FYN: variants seen among roughly 807,000 people sequenced by gnomAD.
The protein encoded by FYN is FYN proto-oncogene, Src family tyrosine kinase.
Under a neutral mutation model 70.2 loss-of-function variants are expected in FYN, and 10 were observed. That is an observed-to-expected ratio of 0.14 (90% CI 0.09 to 0.24). FYN has a LOEUF of 0.24. Among genes scored for constraint, FYN ranks in the 10% least tolerant of loss-of-function variants. The pLI, the probability that FYN is intolerant of heterozygous loss-of-function variation, is 1.00. For synonymous variants in FYN, 236 were observed against 248.6 expected, an observed-to-expected ratio of 0.95 and a Z score of 0.48; for missense variants, 319 against 673.1, an observed-to-expected ratio of 0.47 and a Z score of 5.82.
chr6:111,810,252 T>C (rs1772281982), intron 2 of FYN, among the ~76,000 whole-genome samples: 3 of 152,186 alleles, frequency 2.0e-5, no homozygotes, highest in South Asian at 2.1e-4. Context: ...TCCTTGTCTG[T>C]TGGCATCAGG....
chr6:111,737,227 T>C (rs1801748074), intron 3 of FYN, among the ~76,000 whole-genome samples: 1 of 152,222 alleles, frequency 6.6e-6, no homozygotes, highest in African/African-American at 2.4e-5. Context: ...TGGACACAGC[T>C]GGCTGTTCTC....
At chr6:111,663,708 G>A (rs2128397928) in intron 13 of FYN, among the ~76,000 whole-genome samples, 1 of 152,330 alleles carries the variant, frequency 6.6e-6, no homozygotes, top group South Asian at 2.1e-4. Context: ...TGGTGAAGGA[G>A]TCAGGGTCCC....
chr6:111,669,378 T>C (rs1798157628), intron 13 of FYN, among the ~76,000 whole-genome samples: 1 of 130,594 alleles, frequency 7.7e-6, no homozygotes, highest in South Asian at 2.4e-4. Context: ...GAGGTTGCAG[T>C]GAACCGAGAT....
intron 2 of FYN, among the ~76,000 whole-genome samples, chr6:111,810,822 T>C (rs1175788388): frequency 6.6e-6 from 1 of 152,188 alleles, no homozygotes; most frequent in Admixed American, 6.5e-5. Flanking sequence ...ATTCTGTCCT[T>C]CTGAACTCTT....
At chr6:111,703,114 G>C (rs1387419262) in intron 7 of FYN, 80 bp from the exon 8 acceptor site, 149 of 1,348,624 alleles carry the variant, frequency 1.1e-4, no homozygotes, top group Non-Finnish European at 1.6e-5. Context: ...TCTTGACTCT[G>C]ATTAATAATT....
At chr6:111,872,932 G>A (rs1774330413) in intron 1 of FYN, 36 bp downstream of exon 1, 2 of 149,684 alleles carry the variant, frequency 1.3e-5, no homozygotes, top group South Asian at 4.2e-4. Context: ...CAGCATCCCC[G>A]AGGCCTCCCG....
intron 3 of FYN, among the ~76,000 whole-genome samples, 178 bp from the exon 4 acceptor site, chr6:111,720,240 C>T (rs1800867289): frequency 6.6e-6 from 1 of 152,108 alleles, no homozygotes; most frequent in Non-Finnish European, 1.5e-5. Context: ...TTCCTTGACC[C>T]CACAATCGCA....
At chr6:111,721,152 C>T (rs1431667033) in intron 3 of FYN, among the ~76,000 whole-genome samples, 5 of 152,204 alleles carry the variant, frequency 3.3e-5, no homozygotes, top group Non-Finnish European at 7.3e-5. Flanking sequence ...CTCTGCAAGG[C>T]GTTCTCCGAC....
rs1480050732 is a variant in FYN, at chr6:111,822,138, T to C, written c.-82+24451A>G. On this transcript the variant is annotated intron_variant, in intron 2 of 13. Coordinates refer to ENST00000354650, the MANE Select transcript of FYN (RefSeq NM_002037.5). Reference sequence around the variant, plus strand: ...AGCCATCCCATTACTGGGTATATACTCAAAGGATTATAAATCATGCTGCTA... The same window carrying C: ...AGCCATCCCATTACTGGGTATATACCCAAAGGATTATAAATCATGCTGCTA... Among the ~76,000 whole-genome samples the C allele has an allele frequency of 5.3e-5, 8 of 152,270 alleles. 1 individual carries two copies. Among genetic ancestry groups the C allele is most frequent in the Admixed American group, 1.3e-4 (2 of 15,300 alleles).
intron 3 of FYN, among the ~76,000 whole-genome samples, chr6:111,780,207 C>G (rs1204257073): frequency 6.6e-6 from 1 of 152,194 alleles, no homozygotes; most frequent in Non-Finnish European, 1.5e-5. Context: ...TCACACGGAT[C>G]TCTCTGCTTT....
At chr6:111,765,516 A>G (rs1400676509) in intron 3 of FYN, among the ~76,000 whole-genome samples, 1 of 152,208 alleles carries the variant, frequency 6.6e-6, no homozygotes, top group African/African-American at 2.4e-5. Flanking sequence ...ATGAGAAAAT[A>G]TGATTCTGTT....
At chr6:111,779,246 A>T (rs1771080020) in intron 3 of FYN, among the ~76,000 whole-genome samples, 1 of 150,254 alleles carries the variant, frequency 6.7e-6, no homozygotes, top group Non-Finnish European at 1.5e-5. Flanking sequence ...GACCTTAAAC[A>T]CTGGCCCATC....
At chr6:111,835,610 C>A (rs574882928) in intron 2 of FYN, among the ~76,000 whole-genome samples, 2 of 152,128 alleles carry the variant, frequency 1.3e-5, no homozygotes, top group African/African-American at 4.8e-5. Context: ...CTAAACTAAT[C>A]CCAGTTGGCT....
chr6:111,724,241 G>T (rs1328152837), intron 3 of FYN, among the ~76,000 whole-genome samples: 1 of 152,148 alleles, frequency 6.6e-6, no homozygotes, highest in African/African-American at 2.4e-5. Context: ...ATTATCAACA[G>T]ATCACAGCCC....
intron 3 of FYN, among the ~76,000 whole-genome samples, chr6:111,729,319 C>T (rs965799739): frequency 1.3e-5 from 2 of 151,870 alleles, no homozygotes; most frequent in African/African-American, 4.8e-5. Context: ...ACTAAAAATA[C>T]AAAAATTAGA....
chr6:111,826,529 T>TA (rs142474471), intron 2 of FYN, among the ~76,000 whole-genome samples: 3,199 of 152,240 alleles, frequency 0.021, 97 homozygotes, highest in African/African-American at 0.071. Context: ...TTTCGCTTCC[T>TA]AAAAAATCTC....
intron 3 of FYN, among the ~76,000 whole-genome samples, chr6:111,752,123 G>C (rs1042855731): frequency 6.6e-6 from 1 of 152,166 alleles, no homozygotes; most frequent in African/African-American, 2.4e-5. Context: ...ATGTGGAGTG[G>C]TGCTAGACAA....
chr6:111,786,658 T>C (rs1230593239), intron 2 of FYN, among the ~76,000 whole-genome samples: 5 of 152,258 alleles, frequency 3.3e-5, no homozygotes, highest in Admixed American at 6.5e-5. Context: ...TCACAATGGT[T>C]GAACCAGTTT....
At chr6:111,775,977 G>A (rs1770922037) in intron 3 of FYN, among the ~76,000 whole-genome samples, 1 of 152,158 alleles carries the variant, frequency 6.6e-6, no homozygotes, top group South Asian at 2.1e-4. Flanking sequence ...CCTAGGTCTG[G>A]TTGGATTTTG....
Sources: gnomAD v4.1 joint callset for allele counts (sites outside exome capture counted in the v4.1 genomes callset) on GRCh38, gnomAD v4.1.1 for gene constraint, MANE v1.5 for transcripts, NCBI Gene and HGNC (gene_info 2026-07-23, HGNC 2026-07-21) for gene names.